Variants in ZNF585B observed in about 807,000 individuals in gnomAD.
ZNF585B encodes zinc finger protein 585B.
Under a neutral mutation model 14.0 loss-of-function variants are expected in ZNF585B, and 7 were observed. The ratio of observed to expected loss-of-function variants is 0.50; its 90% CI spans 0.28 to 0.94. The LOEUF is 0.94. Ranked by LOEUF, ZNF585B falls within the 40% of genes least tolerant of loss-of-function variation. ZNF585B has a pLI of 0.09. For missense variants in ZNF585B, 750 were observed against 924.4 expected (o/e 0.81, Z 2.45); for synonymous variants, 290 against 317.3 (o/e 0.91, Z 0.91).
chr19:37,199,493 C>G, intron 2 of ZNF585B: 1 of 452,724 alleles, frequency 2.2e-6, no homozygotes, highest in Non-Finnish European at 4.4e-6. Context: ...CCACAGCACT[C>G]CAGCCTGAGG....
At chr19:37,196,938 C>T (rs1393412906) in intron 2 of ZNF585B, among the ~76,000 whole-genome samples, 1 of 152,130 alleles carries the variant, frequency 6.6e-6, no homozygotes. Context: ...AAGCCTGCAT[C>T]GTTTGAAGGA....
At position 37,198,852 on chromosome 19, in the gene ZNF585B, G is replaced by A. The variant is rs1972501114; in HGVS notation, c.72+8188C>T. The A allele has an allele frequency of 7.7e-6, 5 of 649,978 alleles. No individual in the cohort carries two copies. In the Admixed American group the frequency reaches 1.4e-4, roughly 19 times the overall value. 40.3% of individuals were successfully genotyped at this position (649,978 alleles called of 1,614,324 possible). A position where few individuals can be genotyped will look rare whatever the true frequency, so the allele number is the denominator to read the frequency against. ...TAGAGGTCACTGGATTCAGGGGAGG[G>A]TATGAGCATGCAGATGGAAGTGGAA... On this transcript the variant is annotated intron_variant, in intron 2 of 4. Coordinates refer to ENST00000532828, the MANE Select transcript of ZNF585B (RefSeq NM_152279.4).
intron 2 of ZNF585B, among the ~76,000 whole-genome samples, chr19:37,198,627 T>C (rs573145444): frequency 2.0e-5 from 3 of 151,542 alleles, no homozygotes; most frequent in Non-Finnish European, 4.4e-5. Flanking sequence ...TCCCAGCTAC[T>C]TGGGAGGCTG....
chr19:37,199,112 C>T (rs887482918), intron 2 of ZNF585B: 1 of 904,330 alleles, frequency 1.1e-6, no homozygotes. Context: ...TATAGTCACA[C>T]CCTACACACA....
At chr19:37,190,255 A>ATT in intron 2 of ZNF585B, 105 bp from the exon 3 acceptor site, 11 of 1,362,290 alleles carry the variant, frequency 8.1e-6, no homozygotes, top group South Asian at 3.0e-5. Context: ...AATTTACTTC[A>ATT]TTTTTTTTTT....
intron 2 of ZNF585B, among the ~76,000 whole-genome samples, chr19:37,206,788 G>A (rs947231771): frequency 3.3e-5 from 5 of 152,158 alleles, no homozygotes; most frequent in South Asian, 2.1e-4. Flanking sequence ...TCAATATAGC[G>A]TGATGACAAA....
intron 4 of ZNF585B, among the ~76,000 whole-genome samples, chr19:37,188,893 C>T (rs1234436806): frequency 1.3e-5 from 2 of 151,366 alleles, no homozygotes; most frequent in Admixed American, 6.6e-5. Flanking sequence ...ATGGCCATTA[C>T]TATAGCAAAA....
rs568312541 is a variant in ZNF585B at position 37,182,871 on chromosome 19, C to G, written c.*2356G>C. On this transcript the variant is annotated 3_prime_UTR_variant, in exon 5 of 5. Transcript: ENST00000532828. ...TGCATCTAATCAGATCATCTGTCAG[C>G]ATCTGTAAGGCCACTGCTGCCTATC... is the stretch of plus-strand genomic sequence containing the variant. The G allele has an allele frequency of 1.3e-5, 2 of 152,408 alleles. No individual in the cohort carries two copies. The highest frequency in any genetic ancestry group is 4.1e-4 in the South Asian group (2 of 4,824). 9.4% of individuals were successfully genotyped at this position (152,408 alleles called of 1,614,324 possible). A position where few individuals can be genotyped will look rare whatever the true frequency, so the allele number is the denominator to read the frequency against.
intron 2 of ZNF585B, among the ~76,000 whole-genome samples, chr19:37,204,972 T>C (rs1309868572): frequency 2.6e-5 from 4 of 152,318 alleles, no homozygotes; most frequent in African/African-American, 9.6e-5. Context: ...GGTCTCGAAC[T>C]CCTGACCTCA....
At chr19:37,187,689 A>G (rs931209715) in intron 4 of ZNF585B, among the ~76,000 whole-genome samples, 1 of 152,124 alleles carries the variant, frequency 6.6e-6, no homozygotes, top group Admixed American at 6.6e-5. Flanking sequence ...TTCAAGGGAT[A>G]ATAAGTCACT....
intron 2 of ZNF585B, among the ~76,000 whole-genome samples, chr19:37,197,374 G>A (rs1446828302): frequency 1.3e-5 from 2 of 152,076 alleles, no homozygotes; most frequent in African/African-American, 4.8e-5. Flanking sequence ...TCAATCCAGT[G>A]TATCACTGAT....
Position 37,183,089 on chromosome 19 carries a change from CTT to C in ZNF585B, c.*2136_*2137del, listed in dbSNP as rs1972280277. On this transcript the variant is annotated 3_prime_UTR_variant, in exon 5 of 5. Transcript: ENST00000532828. Reference sequence around the variant, plus strand: ...TGCTGAGGAAAAATGAGCAGGGAGTCTTTTGCAATCATGTTGGAGCTGTGGGA... The same window carrying C: ...TGCTGAGGAAAAATGAGCAGGGAGTCTTGCAATCATGTTGGAGCTGTGGGA... 1.3e-5 allele frequency: 2 copies of C among 152,164 alleles called. No homozygotes were observed. 9.4% of individuals were successfully genotyped at this position (152,164 alleles called of 1,614,324 possible).
chr19:37,202,299 G>A (rs1327867411), intron 2 of ZNF585B, among the ~76,000 whole-genome samples: 1 of 152,062 alleles, frequency 6.6e-6, no homozygotes, highest in Non-Finnish European at 1.5e-5. Flanking sequence ...CACGGCACCC[G>A]GCCTCATCTA....
intron 2 of ZNF585B, among the ~76,000 whole-genome samples, chr19:37,204,261 G>C (rs1270315036): frequency 6.6e-6 from 1 of 151,888 alleles, no homozygotes; most frequent in Non-Finnish European, 1.5e-5. Flanking sequence ...CTTTCTTTTG[G>C]CTCACTCTCT....
Position 37,190,063 on chromosome 19 carries a change from C to G in ZNF585B, c.160G>C (p.Asp54His). The change falls in exon 3 of 5, where the codon GAT (aspartate) becomes CAT (histidine). Residue 54 changes from aspartate to histidine, a missense_variant. Transcript: ENST00000532828. ...LDLSQRNLYRDVMLETYSHLL... is the reference protein window; with the variant it reads ...LDLSQRNLYRHVMLETYSHLL... ...TGGCTGTAGGTCTCCAGCATCACAT[C>G]CCGGTACAGGTTTCTCTGAGAAAGG... is the stretch of plus-strand genomic sequence containing the variant. 1.9e-6 allele frequency: 3 copies of G among 1,614,112 alleles called. No individual in the cohort carries two copies. The highest frequency in any genetic ancestry group is 2.5e-6 in the Non-Finnish European group (3 of 1,180,020).
At chr19:37,196,197 T>C (rs979297742) in intron 2 of ZNF585B, among the ~76,000 whole-genome samples, 10 of 152,160 alleles carry the variant, frequency 6.6e-5, no homozygotes, top group African/African-American at 2.4e-4. Context: ...TCTTTCATAA[T>C]TTTAGGTACA....
chr19:37,207,135 T>A lies in ZNF585B; in HGVS notation c.-24A>T. ...ATGGCCACACTGGATCTCAACCCTT[T>A]TTGTCTAGGGTGCCTGAAGTTTAGT... On this transcript the variant is annotated 5_prime_UTR_variant, in exon 2 of 5. Coordinates refer to ENST00000532828, the MANE Select transcript of ZNF585B (RefSeq NM_152279.4). 6.2e-7 allele frequency: 1 copy of A among 1,613,950 alleles called. No individual in the cohort carries two copies. Among genetic ancestry groups the A allele is most frequent in the Non-Finnish European group, 8.5e-7 (1 of 1,180,010 alleles).
At position 37,186,226 on chromosome 19, in the gene ZNF585B, A is replaced by T. The variant is rs758902792; in HGVS notation, c.1311T>A (p.Pro437=). The T allele has an allele frequency of 6.2e-7, 1 of 1,614,128 alleles. No homozygotes were observed. Among genetic ancestry groups the T allele is most frequent in the South Asian group, 1.1e-5 (1 of 91,080 alleles). ...ATTTCCCACAGTGACCACATTTATA[A>T]GGTTTCTCTCCAGTATGAATTATTT... ...THQIIHTGEK[P]YKCGHCGKLF... Residue 437 remains proline (P), a synonymous_variant, in exon 5 of 5, where the codon CCT becomes CCA. Coordinates refer to ENST00000532828, the MANE Select transcript of ZNF585B (RefSeq NM_152279.4).
Position 37,184,990 on chromosome 19 carries a change from G to T in ZNF585B, c.*237C>A. On this transcript the variant is annotated 3_prime_UTR_variant, in exon 5 of 5. Transcript: ENST00000532828. ...GAAGGCTTTTCCTATTCACCAAATTGACTCGGTTCCTTGTCAGTATGAATA... is the reference window on the plus strand; with the variant it reads ...GAAGGCTTTTCCTATTCACCAAATTTACTCGGTTCCTTGTCAGTATGAATA... 1 of 455,430 alleles carries T rather than the reference G, an allele frequency of 2.2e-6. No individual in the cohort carries two copies. The highest frequency in any genetic ancestry group is 3.9e-6 in the Non-Finnish European group (1 of 259,184). The allele number at this position is 455,430 out of a possible 1,614,324, so 28.2% of individuals were successfully genotyped here. A position where few individuals can be genotyped will look rare whatever the true frequency, so the allele number is the denominator to read the frequency against.
Sources: gnomAD v4.1 joint callset for allele counts (sites outside exome capture counted in the v4.1 genomes callset) on GRCh38, gnomAD v4.1.1 for gene constraint, MANE v1.5 for transcripts, NCBI Gene and HGNC (gene_info 2026-07-23, HGNC 2026-07-21) for gene names.